Variants in CCDC12 observed in about 807,000 individuals in gnomAD.
CCDC12 encodes the protein coiled-coil domain containing 12, also known as coiled-coil domain-containing protein 12.
In CCDC12, 28 loss-of-function variants were observed where a neutral mutation model predicts 25.7. The ratio of observed to expected loss-of-function variants is 1.09; its 90% confidence interval spans 0.81 to 1.50. The LOEUF is 1.50. CCDC12 is among the 40% of genes most tolerant of loss of function. The pLI is 0.00. For synonymous variants in CCDC12, 75 were observed against 87.7 expected (o/e 0.86, Z 0.81); for missense variants, 198 against 210.0 (o/e 0.94, Z 0.35).
intron 5 of CCDC12, 183 bp from the exon 6 acceptor site, chr3:46,922,495 T>G: frequency 1.6e-6 from 1 of 633,166 alleles, no homozygotes; most frequent in Non-Finnish European, 2.8e-6. Flanking sequence ...TAAACCATCA[T>G]TCCCTGTCCC....
intron 1 of CCDC12, among the ~76,000 whole-genome samples, chr3:46,951,798 A>AAAAAAAAAAAAT: frequency 2.4e-4 from 2 of 8,468 alleles, no homozygotes; most frequent in Non-Finnish European, 2.8e-4. Flanking sequence ...AAAAAAAAAA[A>AAAAAAAAAAAAT]ATATATATAT....
Position 46,925,505 on chromosome 3 carries a change from C to G in CCDC12, c.195G>C (p.Glu65Asp). 1 of 1,600,240 alleles carries G rather than the reference C, an allele frequency of 6.2e-7. No homozygotes were observed. The highest frequency in any genetic ancestry group is 1.1e-5 in the South Asian group (1 of 90,028). ...RELRLRNYVP[E>D]DEDLKKRRVP... ...CCCTCCTCTTCTTCAGGTCCTCATC[C>G]TCCGGGACATAGTTCCGCAGCCTAA... The change falls in exon 3 of 7, where the codon GAG becomes GAC. Residue 65 changes from glutamate to aspartate, a missense_variant. Transcript: ENST00000683445.
In CCDC12 at chr3:46,965,784, C is replaced by T. The variant is rs1360209165; in HGVS notation, c.96+10853G>A. On this transcript the variant is annotated intron_variant, in intron 1 of 6. Transcript: ENST00000683445. ...TTGTGTTTGGTCCCTTACTTCTCCA[C>T]ATCTGTGGTGTCTCAGGTACAAGTT... 4.6e-5 allele frequency among the ~76,000 whole-genome samples: 7 copies of T among 152,340 alleles called. No individual in the cohort carries two copies. The South Asian group carries it at 6.2e-4, about 14-fold the overall frequency.
intron 2 of CCDC12, among the ~76,000 whole-genome samples, chr3:46,930,682 T>C (rs2033169927): frequency 6.6e-6 from 1 of 152,208 alleles, no homozygotes; most frequent in Non-Finnish European, 1.5e-5. Context: ...TCTAAGCTTC[T>C]TCACGTGGTC....
intron 2 of CCDC12, among the ~76,000 whole-genome samples, chr3:46,934,785 G>A (rs1575542194): frequency 1.3e-5 from 2 of 151,742 alleles, no homozygotes. Flanking sequence ...TGCTTCAGCA[G>A]GAGATCTCCA....
chr3:46,978,443 G>C (rs1260857744), upstream of CCDC12, among the ~76,000 whole-genome samples: 2 of 152,012 alleles, frequency 1.3e-5, no homozygotes, highest in African/African-American at 4.8e-5. Flanking sequence ...CACCCCTCTG[G>C]GCCCAGAAAA....
At chr3:46,950,300 T>C (rs2034066979) in intron 1 of CCDC12, among the ~76,000 whole-genome samples, 1 of 82,346 alleles carries the variant, frequency 1.2e-5, no homozygotes, top group Admixed American at 1.7e-4. Flanking sequence ...AGAAGAGAAA[T>C]TGATCTACAT....
chr3:46,928,023 T>G (rs1455346778), intron 2 of CCDC12, among the ~76,000 whole-genome samples: 1 of 152,038 alleles, frequency 6.6e-6, no homozygotes, highest in Admixed American at 6.6e-5. Context: ...TAAAAGCAGG[T>G]GGATCACTTT....
At chr3:46,952,092 C>G (rs995171466) in intron 1 of CCDC12, among the ~76,000 whole-genome samples, 1 of 151,882 alleles carries the variant, frequency 6.6e-6, no homozygotes, top group African/African-American at 2.4e-5. Context: ...CCTTTATTTC[C>G]CCACATGAGA....
intron 1 of CCDC12, among the ~76,000 whole-genome samples, 187 bp from the exon 2 acceptor site, chr3:46,941,252 T>G (rs1210259096): frequency 6.6e-6 from 1 of 152,174 alleles, no homozygotes; most frequent in Non-Finnish European, 1.5e-5. Flanking sequence ...CCTCATTGCC[T>G]GTGCAGAATT....
rs535588633 is a variant in CCDC12, at chr3:46,941,735, G to A, written c.97-670C>T. On this transcript the variant is annotated intron_variant, in intron 1 of 6. Transcript: ENST00000683445. ...TGGCAGGCCAGCAGTCACCTTCATG[G>A]GTCTAGACAGAACCACCTGCTAAGC... is the stretch of plus-strand genomic sequence containing the variant. Among the ~76,000 whole-genome samples, 4 of 150,586 alleles carry A rather than the reference G, an allele frequency of 2.7e-5. No homozygotes were observed. The East Asian group carries it at 7.7e-4, about 29-fold the overall frequency.
chr3:46,940,968 G>A (rs779060722), intron 2 of CCDC12, 30 bp downstream of exon 2: 3 of 1,609,118 alleles, frequency 1.9e-6, no homozygotes, highest in South Asian at 2.2e-5. Context: ...GGAGGAGAGA[G>A]CAGACCCTGG....
At chr3:46,979,796 A>C, upstream of CCDC12, 1 of 382,912 alleles carries the variant, frequency 2.6e-6, no homozygotes, top group East Asian at 4.0e-5. Context: ...GCCGAGGGCA[A>C]CCGGCGGGCG....
chr3:46,979,822 C>T (rs1190538319), upstream of CCDC12: 6 of 410,548 alleles, frequency 1.5e-5, no homozygotes, highest in Non-Finnish European at 2.5e-5. Flanking sequence ...GAGGAGGCGG[C>T]GACAGGTGGC....
chr3:46,966,521 A>T (rs2034646387), intron 1 of CCDC12, among the ~76,000 whole-genome samples: 1 of 152,032 alleles, frequency 6.6e-6, no homozygotes, highest in Non-Finnish European at 1.5e-5. Flanking sequence ...GTCTCAAAAA[A>T]AAAAAGAAAG....
At chr3:46,930,031 CAAAAAAAAAAAAAAA>C (rs145507739) in intron 2 of CCDC12, among the ~76,000 whole-genome samples, 1 of 39,876 alleles carries the variant, frequency 2.5e-5, no homozygotes, top group African/African-American at 1.3e-4. Context: ...GACCCCATCT[CAAAAAAAAAAAAAAA>C]AAAAAAAAAA....
rs7612808 is a variant in CCDC12 at position 46,976,580 on chromosome 3, G to A, written c.96+57C>T. The A allele has an allele frequency of 0.013, 20,142 of 1,568,978 alleles. 2,145 individuals carry two copies. In the African/African-American group the frequency reaches 0.23, roughly 18 times the overall value. On this transcript the variant is annotated intron_variant, in intron 1 of 6. Transcript: ENST00000683445. Reference sequence around the variant, plus strand: ...TTAGCCCTTTGCTCTCCTCAAGCGCGACCCGGACCCCGAACGCTGGACGCC... The same window carrying A: ...TTAGCCCTTTGCTCTCCTCAAGCGCAACCCGGACCCCGAACGCTGGACGCC...
chr3:46,972,177 T>G (rs993188410), intron 1 of CCDC12, among the ~76,000 whole-genome samples: 1 of 152,180 alleles, frequency 6.6e-6, no homozygotes, highest in Non-Finnish European at 1.5e-5. Context: ...GCGCAGCAAA[T>G]GAGACTATCC....
chr3:46,942,631 T>G (rs1559555132), intron 1 of CCDC12, among the ~76,000 whole-genome samples: 1 of 152,176 alleles, frequency 6.6e-6, no homozygotes, highest in Non-Finnish European at 1.5e-5. Context: ...GGGAGCAGAC[T>G]ACCAAAACCA....
Sources: gnomAD v4.1 joint callset for allele counts (sites outside exome capture counted in the v4.1 genomes callset) on GRCh38, gnomAD v4.1.1 for gene constraint, MANE v1.5 for transcripts, NCBI Gene and HGNC (gene_info 2026-07-23, HGNC 2026-07-21) for gene names.